Variants in NUFIP2 observed in about 807,000 individuals in gnomAD.
NUFIP2 encodes the protein nuclear FMR1 interacting protein 2.
NUFIP2 carries 6 observed loss-of-function variants against 56.9 expected under a neutral mutation model. The ratio of observed to expected loss-of-function variants is 0.11; its 90% CI spans 0.06 to 0.21. The LOEUF is 0.21. Among genes scored for constraint, NUFIP2 ranks in the 10% least tolerant of loss-of-function variants. The pLI, the probability that NUFIP2 is intolerant of heterozygous loss-of-function variation, is 1.00. For missense variants in NUFIP2, 828 were observed against 826.8 expected (o/e 1.00, Z -0.02); for synonymous variants, 321 against 298.2 (o/e 1.08, Z -0.79).
rs917169559 is a variant in NUFIP2 at position 29,261,212 on chromosome 17, G to T, written c.*3327C>A. On this transcript the variant is annotated 3_prime_UTR_variant, in exon 4 of 4. Coordinates refer to ENST00000225388, the MANE Select transcript of NUFIP2 (RefSeq NM_020772.3). ...TATCTTCATAGCTATTAAAAAAATAGGTCATAATTTCATTCTTAGTGCCAT... is the reference window on the plus strand; with the variant it reads ...TATCTTCATAGCTATTAAAAAAATATGTCATAATTTCATTCTTAGTGCCAT... 3 of 151,952 alleles carry T rather than the reference G, an allele frequency of 2.0e-5. No homozygotes were observed. The highest frequency in any genetic ancestry group is 6.6e-5 in the Admixed American group (1 of 15,240). The allele number at this position is 151,952 out of a possible 1,614,324, so 9.4% of individuals were successfully genotyped here.
intron 2 of NUFIP2, among the ~76,000 whole-genome samples, chr17:29,280,604 T>TA (rs2069133977): frequency 6.6e-6 from 1 of 151,950 alleles, no homozygotes; most frequent in East Asian, 1.9e-4. Context: ...GAGGATTCCT[T>TA]AAGCCCAGGA....
rs1004091330 is a variant in NUFIP2 at position 29,286,242 on chromosome 17, A to C, written c.1752T>G (p.Thr584=). Residue 584 remains threonine (T), a synonymous_variant, in exon 2 of 4, where the codon ACT becomes ACG. Transcript: ENST00000225388. ...AGGATAAGGCTCCACTCTCACTAGT[A>C]GTCCCAGATTTTAGAATGCTACCCA... ...QVLGSILKSG[T]TSESGALSLE... The C allele has an allele frequency of 6.2e-7, 1 of 1,614,192 alleles. No homozygotes were observed. The highest frequency in any genetic ancestry group is 8.5e-7 in the Non-Finnish European group (1 of 1,180,032).
intron 2 of NUFIP2, among the ~76,000 whole-genome samples, chr17:29,282,344 CAGG>C (rs1162419528): frequency 1.3e-5 from 2 of 151,554 alleles, no homozygotes; most frequent in Non-Finnish European, 2.9e-5. Context: ...CTCATGAGGT[CAGG>C]AGACCAGCCT....
chr17:29,287,818 C>T (rs1485828759), intron 1 of NUFIP2, 102 bp from the exon 2 acceptor site: 3 of 1,128,692 alleles, frequency 2.7e-6, no homozygotes, highest in African/African-American at 1.6e-5. Flanking sequence ...AGACACTATG[C>T]TATGAGCTGT....
intron 1 of NUFIP2, among the ~76,000 whole-genome samples, chr17:29,290,372 A>C (rs1299147448): frequency 6.6e-6 from 1 of 151,986 alleles, no homozygotes; most frequent in African/African-American, 2.4e-5. Context: ...TCCTCAGAAA[A>C]ATCCCAGGCA....
rs2069175671 is a variant in NUFIP2, at chr17:29,286,557, T to C, written c.1437A>G (p.Gln479=). Residue 479 remains glutamine, a synonymous_variant, in exon 2 of 4, where the codon CAA becomes CAG. Transcript: ENST00000225388. ...TSLFIYPSNM[Q]TMLLSTAQVD... is the part of the protein sequence containing the mutation. ...CTTGTGCTGTGCTCAACAGCATAGT[T>C]TGCATATTTGAAGGATAGATAAAAA... The C allele has an allele frequency of 7.4e-6, 12 of 1,614,204 alleles. No individual in the cohort carries two copies. The highest frequency in any genetic ancestry group is 1.7e-5 in the Admixed American group (1 of 60,022).
At chr17:29,277,244 C>T (rs1335711985) in intron 2 of NUFIP2, among the ~76,000 whole-genome samples, 4 of 152,132 alleles carry the variant, frequency 2.6e-5, no homozygotes, top group African/African-American at 7.2e-5. Flanking sequence ...AGGCTGGTCT[C>T]GAACTCCTGA....
chr17:29,272,887 T>C (rs2069084237), intron 2 of NUFIP2, among the ~76,000 whole-genome samples: 1 of 151,766 alleles, frequency 6.6e-6, no homozygotes, highest in Non-Finnish European at 1.5e-5. Flanking sequence ...AGTCTTGCTG[T>C]CGCCCAGGCT....
chr17:29,270,393 A>C (rs2069064798), intron 2 of NUFIP2, among the ~76,000 whole-genome samples: 1 of 151,982 alleles, frequency 6.6e-6, no homozygotes, highest in Non-Finnish European at 1.5e-5. Context: ...ACTCCAATAT[A>C]ATTTCTTATT....
In NUFIP2 at chr17:29,287,187, C is replaced by A; in HGVS notation, c.807G>T (p.Lys269Asn). Reference protein sequence around the residue: ...ETFKPDYSEQKGNRVDGSKPI... With the variant: ...ETFKPDYSEQNGNRVDGSKPI... ...GCTTCGAACCATCTACTCGATTTCC[C>A]TTTTGTTCACTATAGTCAGGCTTGA... The change falls in exon 2 of 4, where the codon AAG (lysine) becomes AAT (asparagine). Residue 269 changes from lysine (K) to asparagine (N), a missense_variant. Transcript: ENST00000225388. 1 of 1,614,160 alleles carries A rather than the reference C, an allele frequency of 6.2e-7. No individual in the cohort carries two copies. Among genetic ancestry groups the A allele is most frequent in the Non-Finnish European group, 8.5e-7 (1 of 1,180,032 alleles).
chr17:29,269,039 TTCAGGGGGCTATATATAGTCAACA>T (rs1410513114), intron 2 of NUFIP2, among the ~76,000 whole-genome samples: 5 of 152,032 alleles, frequency 3.3e-5, no homozygotes, highest in Non-Finnish European at 1.5e-5. Flanking sequence ...ACATGAAAGC[TTCAGGGGGCTATATATAGTCAACA>T]GTAATTGACT....
intron 1 of NUFIP2, among the ~76,000 whole-genome samples, chr17:29,291,035 CAAAAA>C (rs60000691): frequency 1.4e-5 from 1 of 72,446 alleles, no homozygotes; most frequent in African/African-American, 3.9e-5. Flanking sequence ...GTTTTAATAA[CAAAAA>C]AAAAAAAAAA....
rs2153010163 is a variant in NUFIP2 at position 29,259,224 on chromosome 17, A to G, written c.*5315T>C. The G allele has an allele frequency of 6.6e-6, 1 of 152,352 alleles. No individual in the cohort carries two copies. Among genetic ancestry groups the G allele is most frequent in the East Asian group, 1.9e-4 (1 of 5,194 alleles). The allele number at this position is 152,352 out of a possible 1,614,324, so 9.4% of individuals were successfully genotyped here. A position where few individuals can be genotyped will look rare whatever the true frequency, so the allele number is the denominator to read the frequency against. ...GTCTGAAGAGTACAACAACTTTGAT[A>G]TGCACTGAAAGTAAAACTAAATTGG... On this transcript the variant is annotated 3_prime_UTR_variant, in exon 4 of 4. Coordinates refer to ENST00000225388, the MANE Select transcript of NUFIP2 (RefSeq NM_020772.3).
intron 2 of NUFIP2, among the ~76,000 whole-genome samples, chr17:29,270,402 T>C (rs775013827): frequency 6.6e-6 from 1 of 152,102 alleles, no homozygotes; most frequent in African/African-American, 2.4e-5. Context: ...TAATTTCTTA[T>C]TCCATTAGTT....
In NUFIP2 at chr17:29,287,603, C is replaced by T; in HGVS notation, c.391G>A (p.Val131Ile). 1 of 1,614,112 alleles carries T rather than the reference C, an allele frequency of 6.2e-7. No homozygotes were observed. Among genetic ancestry groups the T allele is most frequent in the Non-Finnish European group, 8.5e-7 (1 of 1,180,026 alleles). The change falls in exon 2 of 4, where the codon GTA becomes ATA. Residue 131 changes from valine to isoleucine, a missense_variant. Transcript: ENST00000225388. ...ACAGTCTGCTTCAGGCTAGTGTCTACAACTTGCTGGTTGCCATTGAGGACC... is the reference window on the plus strand; with the variant it reads ...ACAGTCTGCTTCAGGCTAGTGTCTATAACTTGCTGGTTGCCATTGAGGACC... ...SRVLNGNQQV[V>I]DTSLKQTVKA...
chr17:29,293,648 G>A (rs2069232443), intron 1 of NUFIP2, 135 bp downstream of exon 1: 4 of 930,820 alleles, frequency 4.3e-6, no homozygotes, highest in Non-Finnish European at 6.2e-6. Flanking sequence ...AGAATGAAAG[G>A]GGCATCCCCA....
chr17:29,287,446 G>A lies in NUFIP2; in HGVS notation c.548C>T (p.Thr183Ile). Residue 183 changes from threonine to isoleucine, a missense_variant, in exon 2 of 4, where the codon ACT becomes ATT. Thr to Ile is a moderately conservative substitution (Grantham distance 89). Transcript: ENST00000225388. The stretch of plus-strand genomic sequence containing the variant: ...TACCACACCATTTGGAATTGGTATA[G>A]TATCAGACTTATCTACAGACTGATT... The part of the protein sequence containing the change: ...GENQSVDKSD[T>I]IPIPNGVVTN... 6.2e-7 allele frequency: 1 copy of A among 1,613,950 alleles called. No homozygotes were observed. Among genetic ancestry groups the A allele is most frequent in the Non-Finnish European group, 8.5e-7 (1 of 1,179,928 alleles).
chr17:29,273,339 A>G (rs1352238786), intron 2 of NUFIP2, among the ~76,000 whole-genome samples: 2 of 150,778 alleles, frequency 1.3e-5, no homozygotes, highest in Non-Finnish European at 3.0e-5. Flanking sequence ...CGCCCAGCCA[A>G]TTTTTGTATT....
chr17:29,265,668 A>G (rs979660224), intron 3 of NUFIP2, among the ~76,000 whole-genome samples: 2 of 146,152 alleles, frequency 1.4e-5, no homozygotes, highest in Admixed American at 6.9e-5. Context: ...ACACACATAT[A>G]TAATTTCTAC....
Sources: gnomAD v4.1 joint callset for allele counts (sites outside exome capture counted in the v4.1 genomes callset) on GRCh38, gnomAD v4.1.1 for gene constraint, MANE v1.5 for transcripts, NCBI Gene and HGNC (gene_info 2026-07-23, HGNC 2026-07-21) for gene names.